SGCZ: variants seen among roughly 807,000 people sequenced by gnomAD.
SGCZ encodes the protein zeta-sarcoglycan.
A neutral mutation model predicts 41.3 loss-of-function variants in SGCZ; 40 were observed. The observed-to-expected ratio is 0.97, with a 90% CI of 0.75 to 1.26. SGCZ has a LOEUF of 1.26. Among genes scored for constraint, SGCZ ranks in the 50% most tolerant of loss-of-function variants. SGCZ has a pLI of 0.00. For synonymous variants in SGCZ, 206 were observed against 137.5 expected, an observed-to-expected ratio of 1.50 and a Z score of -3.49; for missense variants, 552 against 369.8, an observed-to-expected ratio of 1.49 and a Z score of -4.04.
At chr8:14,448,277 A>G (rs903445307) in intron 2 of SGCZ, among the ~76,000 whole-genome samples, 1 of 152,216 alleles carries the variant, frequency 6.6e-6, no homozygotes, top group Admixed American at 6.5e-5. Flanking sequence ...GAGGATACAT[A>G]TTAAGAAATC....
intron 5 of SGCZ, among the ~76,000 whole-genome samples, chr8:14,159,301 T>C (rs1450113045): frequency 6.6e-6 from 1 of 152,178 alleles, no homozygotes; most frequent in African/African-American, 2.4e-5. Context: ...ATGACTGTTC[T>C]CCCATTTCAC....
intron 3 of SGCZ, among the ~76,000 whole-genome samples, chr8:14,247,434 G>A (rs903003619): frequency 4.6e-5 from 7 of 152,126 alleles, no homozygotes; most frequent in Admixed American, 3.9e-4. Flanking sequence ...AGGGAATCTG[G>A]GGTAATCTAT....
chr8:15,066,591 T>G (rs1805156779), intron 1 of SGCZ, among the ~76,000 whole-genome samples: 1 of 152,248 alleles, frequency 6.6e-6, no homozygotes, highest in African/African-American at 2.4e-5. Flanking sequence ...TCTCCTGACA[T>G]ACTAACATTT....
intron 4 of SGCZ, among the ~76,000 whole-genome samples, chr8:14,222,182 GT>G (rs1216922349): frequency 6.6e-6 from 1 of 151,690 alleles, no homozygotes; most frequent in African/African-American, 2.4e-5. Flanking sequence ...GTTTTGTTTT[GT>G]TTTTTGAGGC....
intron 1 of SGCZ, among the ~76,000 whole-genome samples, chr8:15,162,784 C>T (rs1563159379): frequency 6.6e-6 from 1 of 152,128 alleles, no homozygotes; most frequent in Non-Finnish European, 1.5e-5. Context: ...AGCATCTTAC[C>T]TCTAAAGAGT....
chr8:14,778,046 C>T (rs1251185461), intron 1 of SGCZ, among the ~76,000 whole-genome samples: 2 of 152,022 alleles, frequency 1.3e-5, no homozygotes, highest in African/African-American at 4.8e-5. Context: ...ACCTTAGCCT[C>T]CCTAGTAGCT....
chr8:14,169,498 T>C (rs1804310031), intron 4 of SGCZ, among the ~76,000 whole-genome samples: 1 of 152,156 alleles, frequency 6.6e-6, no homozygotes. Context: ...TAGGAGAATC[T>C]GACACACTTT....
chr8:14,231,558 T>A (rs970710731), intron 4 of SGCZ, among the ~76,000 whole-genome samples: 2 of 151,548 alleles, frequency 1.3e-5, no homozygotes, highest in African/African-American at 4.9e-5. Context: ...AAGTCTAGAT[T>A]TTTTTTTTCT....
At chr8:14,722,304 G>A (rs75139979) in intron 1 of SGCZ, among the ~76,000 whole-genome samples, 8,972 of 152,044 alleles carry the variant, frequency 0.059, 759 homozygotes, top group African/African-American at 0.19. Context: ...TTTCTTGAAA[G>A]AATGAAAGTA....
intron 1 of SGCZ, among the ~76,000 whole-genome samples, chr8:14,589,143 C>A (rs1805158970): frequency 1.3e-5 from 2 of 151,910 alleles, no homozygotes; most frequent in Admixed American, 6.6e-5. Flanking sequence ...ATGTAACAAA[C>A]CTGCACGTTG....
At chr8:14,455,858 G>C (rs1800728356) in intron 2 of SGCZ, among the ~76,000 whole-genome samples, 3 of 152,176 alleles carry the variant, frequency 2.0e-5, no homozygotes, top group African/African-American at 7.2e-5. Context: ...ACAAAAGAGT[G>C]TTTGCAGTAT....
intron 2 of SGCZ, among the ~76,000 whole-genome samples, chr8:14,551,534 A>ATATATAT (rs1803842168): frequency 2.5e-4 from 2 of 7,844 alleles, no homozygotes; most frequent in African/African-American, 9.7e-4. Flanking sequence ...AATATATATA[A>ATATATAT]TATATATAAT....
chr8:14,611,949 T>C (rs1805943700), intron 1 of SGCZ, among the ~76,000 whole-genome samples: 1 of 152,202 alleles, frequency 6.6e-6, no homozygotes, highest in African/African-American at 2.4e-5. Context: ...ATGTAAATAT[T>C]ATGTCTTAAA....
chr8:14,817,855 C>T (rs184868437), intron 1 of SGCZ, among the ~76,000 whole-genome samples: 1 of 152,162 alleles, frequency 6.6e-6, no homozygotes, highest in Non-Finnish European at 1.5e-5. Context: ...TATGCCCCAA[C>T]CCCAGATCAT....
chr8:15,112,792 C>A (rs961577157), intron 1 of SGCZ, among the ~76,000 whole-genome samples: 2 of 152,188 alleles, frequency 1.3e-5, no homozygotes, highest in Non-Finnish European at 2.9e-5. Context: ...ATCCTCCAAG[C>A]CAGCTATCCC....
At chr8:14,610,574 A>C (rs1805895283) in intron 1 of SGCZ, among the ~76,000 whole-genome samples, 1 of 152,118 alleles carries the variant, frequency 6.6e-6, no homozygotes, top group Non-Finnish European at 1.5e-5. Context: ...TCTCCTATTA[A>C]TCTATCTGAT....
At position 14,321,062 on chromosome 8, in the gene SGCZ, C is replaced by G. The variant is rs150170396; in HGVS notation, c.336+3041G>C. 1.9e-3 allele frequency among the ~76,000 whole-genome samples: 291 copies of G among 152,090 alleles called. 1 individual carries two copies. Among genetic ancestry groups the G allele is most frequent in the African/African-American group, 6.9e-3 (287 of 41,518 alleles). On this transcript the variant is annotated intron_variant, in intron 3 of 7. Transcript: ENST00000382080. ...GAAATGTTTTGGCCTAAAGTTGGAC[C>G]AAGTGCCTTGAAAAGAGATGCAGAA... is the stretch of plus-strand genomic sequence containing the variant.
At chr8:14,774,336 CT>C (rs1368327673) in intron 1 of SGCZ, among the ~76,000 whole-genome samples, 6 of 152,146 alleles carry the variant, frequency 3.9e-5, no homozygotes, top group African/African-American at 1.4e-4. Flanking sequence ...TCTTAAGTGT[CT>C]TTTATACATA....
chr8:14,992,327 T>C (rs1460737807), intron 1 of SGCZ, among the ~76,000 whole-genome samples: 3 of 150,564 alleles, frequency 2.0e-5, no homozygotes, highest in Non-Finnish European at 4.4e-5. Context: ...CCCTCACCCA[T>C]CCTCCTCATC....
Sources: allele counts gnomAD v4.1 joint callset (sites outside exome capture counted in the v4.1 genomes callset), GRCh38; gene constraint gnomAD v4.1.1; transcripts MANE v1.5; gene names NCBI Gene and HGNC (gene_info 2026-07-23, HGNC 2026-07-21).